NMNAT2: variants seen among roughly 807,000 people sequenced by gnomAD.
NMNAT2 encodes nicotinamide nucleotide adenylyltransferase 2.
NMNAT2 carries 11 observed loss-of-function variants against 41.6 expected under a neutral mutation model. The ratio of observed to expected loss-of-function variants is 0.26; its 90% CI spans 0.17 to 0.44. The LOEUF is 0.44. Ranked by LOEUF, NMNAT2 falls within the 20% of genes least tolerant of loss-of-function variation. NMNAT2 has a pLI of 1.00. For synonymous variants in NMNAT2, 148 were observed against 151.2 expected (o/e 0.98, Z 0.16); for missense variants, 288 against 407.7 (o/e 0.71, Z 2.53).
At chr1:183,340,025 T>C (rs1232731512) in intron 1 of NMNAT2, among the ~76,000 whole-genome samples, 2 of 152,192 alleles carry the variant, frequency 1.3e-5, no homozygotes, top group Non-Finnish European at 2.9e-5. Flanking sequence ...CTTAGGCCAA[T>C]CACAATGATT....
intron 8 of NMNAT2, among the ~76,000 whole-genome samples, chr1:183,271,826 C>G (rs1005936292): frequency 2.0e-5 from 3 of 152,026 alleles, no homozygotes; most frequent in East Asian, 1.9e-4. Flanking sequence ...TCTCTCGGCT[C>G]CCTGCAACCT....
At chr1:183,312,826 G>T (rs1662154350) in intron 1 of NMNAT2, among the ~76,000 whole-genome samples, 1 of 152,138 alleles carries the variant, frequency 6.6e-6, no homozygotes, top group African/African-American at 2.4e-5. Context: ...TTGCTGTGAG[G>T]ATCAAATGAA....
intron 1 of NMNAT2, among the ~76,000 whole-genome samples, chr1:183,356,451 A>G (rs937694195): frequency 1.3e-5 from 2 of 152,218 alleles, no homozygotes; most frequent in Non-Finnish European, 2.9e-5. Flanking sequence ...CCTGGGCACC[A>G]CCCAGCCAGG....
intron 1 of NMNAT2, among the ~76,000 whole-genome samples, chr1:183,317,390 C>A (rs1662276033): frequency 6.6e-6 from 1 of 152,210 alleles, no homozygotes; most frequent in Admixed American, 6.5e-5. Context: ...TTGCCTCAGC[C>A]TCTCAAGTAG....
rs1186159050 is a variant in NMNAT2, at chr1:183,389,736, AAAAGAAAGAAAGAAAGAAAGAAAG to A, written c.85+28423_85+28446del. On this transcript the variant is annotated intron_variant, in intron 1 of 10. Coordinates refer to ENST00000287713, the MANE Select transcript of NMNAT2 (RefSeq NM_015039.4). ...GGGCAACAGAGCAAGACCCTGTCAA[AAAAGAAAGAAAGAAAGAAAGAAAG>A]AAAGAAAGAAAGAAAGAAAGAAAGA... Among the ~76,000 whole-genome samples, 470 of 76,418 alleles carry A rather than the reference AAAAGAAAGAAAGAAAGAAAGAAAG, an allele frequency of 6.2e-3. 25 individuals are homozygous for A. Among genetic ancestry groups the A allele is most frequent in the Non-Finnish European group, 7.3e-3 (282 of 38,562 alleles). 50.1% of individuals were successfully genotyped at this position (76,418 alleles called of 152,430 possible). A position where few individuals can be genotyped will look rare whatever the true frequency, so the allele number is the denominator to read the frequency against.
intron 1 of NMNAT2, among the ~76,000 whole-genome samples, chr1:183,391,566 T>C (rs540164881): frequency 1.8e-4 from 28 of 152,302 alleles, no homozygotes; most frequent in African/African-American, 6.7e-4. Flanking sequence ...GACCTTTTCT[T>C]GACCTGTATC....
chr1:183,415,843 C>A (rs1649236853), intron 1 of NMNAT2, among the ~76,000 whole-genome samples: 1 of 152,150 alleles, frequency 6.6e-6, no homozygotes, highest in Admixed American at 6.6e-5. Flanking sequence ...CTTATTCTTG[C>A]CTCATTTTCA....
intron 8 of NMNAT2, among the ~76,000 whole-genome samples, chr1:183,276,526 G>T (rs2102295244): frequency 6.6e-6 from 1 of 152,288 alleles, no homozygotes; most frequent in East Asian, 1.9e-4. Context: ...GCCCCAAATT[G>T]TGTAAGTTTC....
intron 8 of NMNAT2, among the ~76,000 whole-genome samples, chr1:183,276,779 G>C (rs141485560): frequency 6.6e-6 from 1 of 152,320 alleles, no homozygotes; most frequent in South Asian, 2.1e-4. Flanking sequence ...AACTTTGCCC[G>C]CATTACTTTT....
At chr1:183,315,642 C>G (rs1418752697) in intron 1 of NMNAT2, among the ~76,000 whole-genome samples, 1 of 151,966 alleles carries the variant, frequency 6.6e-6, no homozygotes, top group African/African-American at 2.4e-5. Flanking sequence ...ATTAGCCGGG[C>G]ATGGTCGTGG....
At chr1:183,381,249 C>T (rs1360589002) in intron 1 of NMNAT2, among the ~76,000 whole-genome samples, 2 of 152,186 alleles carry the variant, frequency 1.3e-5, no homozygotes, top group African/African-American at 4.8e-5. Context: ...CTCCCTCTCT[C>T]AACCTCTGCA....
In NMNAT2 at chr1:183,330,433, G is replaced by A. The variant is rs545491694; in HGVS notation, c.86-36640C>T. ...TGTTACAAAAGCAGCCAGGCAGAGA[G>A]CAGAACAAAGGAGGGTGGGACAGGT... is the stretch of plus-strand genomic sequence containing the variant. On this transcript the variant is annotated intron_variant, in intron 1 of 10. Transcript: ENST00000287713. Among the ~76,000 whole-genome samples the A allele has an allele frequency of 8.5e-5, 13 of 152,316 alleles. No homozygotes were observed. In the South Asian group the frequency reaches 2.7e-3, roughly 32 times the overall value.
intron 1 of NMNAT2, among the ~76,000 whole-genome samples, chr1:183,304,178 G>C (rs949204348): frequency 1.3e-5 from 2 of 152,190 alleles, no homozygotes; most frequent in African/African-American, 4.8e-5. Flanking sequence ...TTTCTAGGAA[G>C]ACAAAGGAAC....
intron 1 of NMNAT2, chr1:183,304,956 C>A (rs1168607980): frequency 8.6e-7 from 1 of 1,162,408 alleles, no homozygotes; most frequent in Non-Finnish European, 1.2e-6. Flanking sequence ...GCTGAGAGAA[C>A]CTCTCATATG....
At chr1:183,312,688 G>A (rs1662151438) in intron 1 of NMNAT2, among the ~76,000 whole-genome samples, 1 of 152,074 alleles carries the variant, frequency 6.6e-6, no homozygotes, top group Non-Finnish European at 1.5e-5. Context: ...GATTTTCCAA[G>A]TATCCCTCAG....
chr1:183,278,825 A>G, intron 7 of NMNAT2, 196 bp from the exon 8 acceptor site: 2 of 570,110 alleles, frequency 3.5e-6, no homozygotes, highest in South Asian at 3.9e-5. Flanking sequence ...GCTCATTTCC[A>G]GACCACCCTC....
Position 183,278,616 on chromosome 1 carries a change from C to A in NMNAT2, c.588G>T (p.Leu196=). The change falls in exon 8 of 11, where the codon CTG becomes CTT. Residue 196 remains leucine (L), a synonymous_variant. Coordinates refer to ENST00000287713, the MANE Select transcript of NMNAT2 (RefSeq NM_015039.4). ...MRYEEIELRI[L]LLCGSDLLES... is the part of the protein sequence containing the mutation. ...CCAGCAGGTCACTACCACACAGCAG[C>A]AGGATCCGTAGCTCTGAGGAAGGGG... 6.2e-7 allele frequency: 1 copy of A among 1,613,746 alleles called. No homozygotes were observed.
chr1:183,365,165 A>C (rs2102362025), intron 1 of NMNAT2, among the ~76,000 whole-genome samples: 1 of 152,270 alleles, frequency 6.6e-6, no homozygotes, highest in East Asian at 1.9e-4. Flanking sequence ...AAGAAAATAA[A>C]AGTGGCAGGA....
chr1:183,328,740 G>A (rs747292162), intron 1 of NMNAT2, among the ~76,000 whole-genome samples: 4 of 152,194 alleles, frequency 2.6e-5, no homozygotes, highest in African/African-American at 2.4e-5. Context: ...AATGTCTGCC[G>A]CAATCTACAG....
Sources: allele counts gnomAD v4.1 joint callset (sites outside exome capture counted in the v4.1 genomes callset), GRCh38; gene constraint gnomAD v4.1.1; transcripts MANE v1.5; gene names NCBI Gene and HGNC (gene_info 2026-07-23, HGNC 2026-07-21).